Variants in GPBP1L1 observed in about 807,000 individuals in gnomAD.
GPBP1L1 encodes the protein GC-rich promoter binding protein 1 like 1, also known as vasculin-like protein 1.
Under a neutral mutation model 52.5 loss-of-function variants are expected in GPBP1L1, and 23 were observed. The ratio of observed to expected loss-of-function variants is 0.44; its 90% CI spans 0.32 to 0.62. The LOEUF is 0.62. GPBP1L1 is among the 20% of genes least tolerant of loss of function. The pLI, the probability that GPBP1L1 is intolerant of heterozygous loss-of-function variation, is 0.06. For missense variants in GPBP1L1, 596 were observed against 579.3 expected (o/e 1.03, Z -0.30); for synonymous variants, 243 against 203.1 (o/e 1.20, Z -1.67).
At chr1:45,636,281 T>C (rs972234219) in intron 8 of GPBP1L1, among the ~76,000 whole-genome samples, 9 of 152,188 alleles carry the variant, frequency 5.9e-5, no homozygotes, top group African/African-American at 2.2e-4. Context: ...TCCCTTCTTT[T>C]CAATGGATGT....
In GPBP1L1 at chr1:45,628,218, G is replaced by GT. The variant is rs751866667; in HGVS notation, c.*37dup. 4.4e-6 allele frequency: 7 copies of GT among 1,599,244 alleles called. No homozygotes were observed. The East Asian group carries it at 1.6e-4, about 36-fold the overall frequency. On this transcript the variant is annotated 3_prime_UTR_variant, in exon 13 of 13. Transcript: ENST00000355105. The stretch of plus-strand genomic sequence containing the variant: ...TTTGTATACTCCCTAAACACACAGA[G>GT]TTTACTGGGTCAGATTTAACTGTGA...
At chr1:45,685,922 G>C (rs764311199) in intron 1 of GPBP1L1, among the ~76,000 whole-genome samples, 1 of 152,194 alleles carries the variant, frequency 6.6e-6, no homozygotes, top group African/African-American at 2.4e-5. Flanking sequence ...CGCTACCACA[G>C]AGAACCGGAA....
intron 6 of GPBP1L1, chr1:45,651,118 C>A: frequency 2.0e-6 from 1 of 503,082 alleles, no homozygotes; most frequent in East Asian, 5.4e-5. Flanking sequence ...ATTGCCTCCC[C>A]AGTGATGGCA....
chr1:45,629,733 A>G (rs1644506038), intron 11 of GPBP1L1, 55 bp from the exon 12 acceptor site: 1 of 1,151,168 alleles, frequency 8.7e-7, no homozygotes, highest in Non-Finnish European at 1.3e-6. Flanking sequence ...AGCCTAAGTG[A>G]ACAGCCCACC....
chr1:45,661,458 T>C (rs1412900931), intron 2 of GPBP1L1, among the ~76,000 whole-genome samples: 1 of 138,512 alleles, frequency 7.2e-6, no homozygotes. Context: ...GAGTTTGCTC[T>C]TTTTTTTTTT....
At chr1:45,648,956 C>T (rs1250576211) in intron 6 of GPBP1L1, among the ~76,000 whole-genome samples, 2 of 152,122 alleles carry the variant, frequency 1.3e-5, no homozygotes, top group Non-Finnish European at 2.9e-5. Flanking sequence ...CTTGAACCCA[C>T]GAGGCGCAGG....
intron 2 of GPBP1L1, among the ~76,000 whole-genome samples, chr1:45,662,977 G>C (rs1644964050): frequency 6.9e-6 from 1 of 145,236 alleles, no homozygotes; most frequent in African/African-American, 2.5e-5. Flanking sequence ...CTTGAATCCG[G>C]GAGGCGGAGG....
At chr1:45,671,123 C>T (rs937499716) in intron 2 of GPBP1L1, among the ~76,000 whole-genome samples, 3 of 150,990 alleles carry the variant, frequency 2.0e-5, no homozygotes, top group African/African-American at 4.9e-5. Context: ...CATACCTTTA[C>T]AATAATATTC....
At position 45,660,564 on chromosome 1, in the gene GPBP1L1, G is replaced by A; in HGVS notation, c.-436C>T. ...GGTAAGACATGGATATTTGCACCGAGTGCAAATACTGTTCATAACAAGGTC... is the reference window on the plus strand; with the variant it reads ...GGTAAGACATGGATATTTGCACCGAATGCAAATACTGTTCATAACAAGGTC... On this transcript the variant is annotated 5_prime_UTR_variant, in exon 3 of 13. Transcript: ENST00000355105. The A allele has an allele frequency of 1.0e-6, 1 of 985,074 alleles. No homozygotes were observed. Among genetic ancestry groups the A allele is most frequent in the Non-Finnish European group, 1.2e-6 (1 of 829,628 alleles). The allele number at this position is 985,074 out of a possible 1,614,324, so 61.0% of individuals were successfully genotyped here.
rs191509573 is a variant in GPBP1L1, at chr1:45,638,854, C to T, written c.744+1356G>A. Among the ~76,000 whole-genome samples, 19 of 152,150 alleles carry T rather than the reference C, an allele frequency of 1.2e-4. No homozygotes were observed. In the East Asian group the frequency reaches 3.1e-3, roughly 25 times the overall value. ...GCATGCGCCAGAAGAATAATTTCTT[C>T]CCGGGTAAGAGAAAAAAGGGGCAAT... On this transcript the variant is annotated intron_variant, in intron 8 of 12. Transcript: ENST00000355105.
At chr1:45,655,777 T>TA (rs959624293) in intron 4 of GPBP1L1, 480 of 146,300 alleles carry the variant, frequency 3.3e-3, no homozygotes, top group African/African-American at 7.0e-3. Context: ...ACAGAACTTT[T>TA]AAAAAAAAAA....
At chr1:45,674,031 T>C (rs60199320) in intron 2 of GPBP1L1, among the ~76,000 whole-genome samples, 1,695 of 152,240 alleles carry the variant, frequency 0.011, 32 homozygotes, top group African/African-American at 0.038. Flanking sequence ...TGAGCCGAGA[T>C]TGTGCCATTG....
Position 45,681,985 on chromosome 1 carries a change from T to C in GPBP1L1, c.-1098+3591A>G, listed in dbSNP as rs147357699. Among the ~76,000 whole-genome samples, 589 of 152,326 alleles carry C rather than the reference T, an allele frequency of 3.9e-3. 3 individuals carry two copies. Among genetic ancestry groups the C allele is most frequent in the African/African-American group, 0.014 (564 of 41,564 alleles). On this transcript the variant is annotated intron_variant, in intron 2 of 12. Coordinates refer to ENST00000355105, the MANE Select transcript of GPBP1L1 (RefSeq NM_021639.5). ...TCTTGGAACCTCTGTATATCTCTTG[T>C]AGAAGGGTTAATATCTACTTCTTTA...
chr1:45,663,050 C>CAAAAAAAAAAAAAAAAAA (rs66502921), intron 2 of GPBP1L1, among the ~76,000 whole-genome samples: 1 of 117,230 alleles, frequency 8.5e-6, no homozygotes, highest in East Asian at 2.6e-4. Context: ...GACTCTGTCT[C>CAAAAAAAAAAAAAAAAAA]AAAAAAAAAA....
chr1:45,630,456 T>C (rs1389604497), intron 11 of GPBP1L1, 26 bp downstream of exon 11: 1 of 1,612,440 alleles, frequency 6.2e-7, no homozygotes, highest in Non-Finnish European at 8.5e-7. Flanking sequence ...AGACACTGCA[T>C]GCCCTGTGAT....
intron 10 of GPBP1L1, among the ~76,000 whole-genome samples, chr1:45,632,033 C>G (rs886352343): frequency 3.3e-5 from 5 of 152,060 alleles, no homozygotes; most frequent in African/African-American, 1.2e-4. Flanking sequence ...CCAGCCTGAC[C>G]AACATGGTGA....
At chr1:45,684,485 A>C (rs1355636358) in intron 2 of GPBP1L1, among the ~76,000 whole-genome samples, 1 of 152,094 alleles carries the variant, frequency 6.6e-6, no homozygotes, top group African/African-American at 2.4e-5. Flanking sequence ...TATCATTCTA[A>C]ATTTAAATGG....
intron 2 of GPBP1L1, among the ~76,000 whole-genome samples, chr1:45,683,331 G>A (rs1363751852): frequency 7.1e-6 from 1 of 140,834 alleles, no homozygotes; most frequent in Non-Finnish European, 1.5e-5. Context: ...TCAGCCTCCC[G>A]AGTAGCTGGC....
At position 45,628,416 on chromosome 1, in the gene GPBP1L1, T is replaced by C; in HGVS notation, c.1273-8A>G. 1.9e-6 allele frequency: 3 copies of C among 1,613,306 alleles called. No individual in the cohort carries two copies. Among genetic ancestry groups the C allele is most frequent in the Non-Finnish European group, 1.7e-6 (2 of 1,179,848 alleles). ...AAAGCCATTTCTTCTCAGCTATGGT[T>C]AGCATGGGAGAGAAAGAAAAAAGAA... is the stretch of plus-strand genomic sequence containing the variant. On this transcript the variant is annotated splice_polypyrimidine_tract_variant and splice_region_variant and intron_variant, in intron 12 of 12. Coordinates refer to ENST00000355105, the MANE Select transcript of GPBP1L1 (RefSeq NM_021639.5).
Sources: allele counts gnomAD v4.1 joint callset (sites outside exome capture counted in the v4.1 genomes callset), GRCh38; gene constraint gnomAD v4.1.1; transcripts MANE v1.5; gene names NCBI Gene and HGNC (gene_info 2026-07-23, HGNC 2026-07-21).